The following PTPRD variants were observed in gnomAD, a reference collection of about 807,000 sequenced individuals.
PTPRD encodes protein tyrosine phosphatase receptor type D, also known as receptor-type tyrosine-protein phosphatase delta.
PTPRD carries 34 observed loss-of-function variants against 214.5 expected under a neutral mutation model. That is an observed-to-expected ratio of 0.16 (90% CI 0.12 to 0.21). The LOEUF (loss-of-function observed/expected upper bound fraction) is 0.21, where lower values mean the gene tolerates loss of function less well. PTPRD is among the 10% of genes least tolerant of loss of function. The pLI, the probability that PTPRD is intolerant of heterozygous loss-of-function variation, is 1.00. For synonymous variants in PTPRD, 1,128 were observed against 845.7 expected, an observed-to-expected ratio of 1.33 and a Z score of -5.79; for missense variants, 2,545 against 2,398.7, an observed-to-expected ratio of 1.06 and a Z score of -1.27.
chr9:8,392,169 G>A (rs549664089), intron 36 of PTPRD, among the ~76,000 whole-genome samples: 1 of 152,174 alleles, frequency 6.6e-6, no homozygotes, highest in Admixed American at 6.5e-5. Flanking sequence ...AGGATCACTT[G>A]AGCCCAGGAG....
At chr9:9,898,526 G>C (rs16930518) in intron 5 of PTPRD, among the ~76,000 whole-genome samples, 32,051 of 151,942 alleles carry the variant, frequency 0.21, 3,743 homozygotes, top group African/African-American at 0.3. Flanking sequence ...TTCATATGAA[G>C]CTCTAGATTA....
chr9:9,621,382 T>A (rs1448872956), intron 7 of PTPRD, among the ~76,000 whole-genome samples: 1 of 152,210 alleles, frequency 6.6e-6, no homozygotes, highest in Non-Finnish European at 1.5e-5. Flanking sequence ...CCTATTTTAT[T>A]ATAGAAACGC....
At chr9:10,311,970 G>C (rs59113499) in intron 3 of PTPRD, among the ~76,000 whole-genome samples, 1 of 151,706 alleles carries the variant, frequency 6.6e-6, no homozygotes, top group African/African-American at 2.4e-5. Context: ...AACATTCACA[G>C]ACACATCTGG....
chr9:8,600,573 C>A (rs1027813986), intron 14 of PTPRD, among the ~76,000 whole-genome samples: 1 of 151,802 alleles, frequency 6.6e-6, no homozygotes. Context: ...GATGCCCACA[C>A]AGCCACAGTA....
intron 32 of PTPRD, among the ~76,000 whole-genome samples, chr9:8,462,024 C>T (rs1447197141): frequency 2.6e-5 from 4 of 151,904 alleles, no homozygotes; most frequent in Non-Finnish European, 5.9e-5. Flanking sequence ...TCAGCCCAAG[C>T]TTTAACTATC....
At chr9:10,053,648 G>A (rs1369207083) in intron 3 of PTPRD, among the ~76,000 whole-genome samples, 2 of 152,240 alleles carry the variant, frequency 1.3e-5, no homozygotes, top group African/African-American at 2.4e-5. Context: ...GCAATATCTT[G>A]TATCTTGTAA....
chr9:9,440,203 A>G (rs150786612), intron 8 of PTPRD, among the ~76,000 whole-genome samples: 1 of 152,346 alleles, frequency 6.6e-6, no homozygotes, highest in African/African-American at 2.4e-5. Context: ...TCCTAAAATT[A>G]TTACCAACTT....
intron 11 of PTPRD, among the ~76,000 whole-genome samples, chr9:8,845,529 C>G (rs2154538140): frequency 6.6e-6 from 1 of 152,328 alleles, no homozygotes; most frequent in East Asian, 1.9e-4. Flanking sequence ...GCATGAAAGA[C>G]AGCCTGGCTG....
Position 8,328,730 on chromosome 9 carries a change from T to C in PTPRD, c.5534+2852A>G, listed in dbSNP as rs1445345377. ...TTCTCGGAGGCTTTGTTCATTTCTT[T>C]TTACTCTTTTCTCTAATCTTGTCTT... is the stretch of plus-strand genomic sequence containing the variant. On this transcript the variant is annotated intron_variant, in intron 44 of 45. Transcript: ENST00000381196. Among the ~76,000 whole-genome samples, 87 of 152,120 alleles carry C rather than the reference T, an allele frequency of 5.7e-4. 1 individual carries two copies.
intron 10 of PTPRD, among the ~76,000 whole-genome samples, chr9:9,058,441 G>GATTTTTTTTTTT (rs2099700335): frequency 1.9e-5 from 1 of 53,330 alleles, no homozygotes; most frequent in African/African-American, 4.2e-5. Context: ...ATATTATGAG[G>GATTTTTTTTTTT]GTTTTTTTTT....
chr9:8,835,125 C>T (rs576289157), intron 11 of PTPRD, among the ~76,000 whole-genome samples: 1 of 152,188 alleles, frequency 6.6e-6, no homozygotes, highest in Admixed American at 6.5e-5. Flanking sequence ...ATCAGAGAGT[C>T]AGCAAAGCAA....
intron 9 of PTPRD, among the ~76,000 whole-genome samples, chr9:9,281,738 CACT>C (rs1242260597): frequency 6.6e-6 from 1 of 151,156 alleles, no homozygotes; most frequent in African/African-American, 2.4e-5. Flanking sequence ...CTCACAATCA[CACT>C]CCTTTGTATT....
chr9:9,221,206 T>A (rs972174598), intron 9 of PTPRD, among the ~76,000 whole-genome samples: 11 of 152,088 alleles, frequency 7.2e-5, no homozygotes, highest in African/African-American at 2.7e-4. Flanking sequence ...ATTAAATGCA[T>A]TCATTGGCAA....
intron 2 of PTPRD, among the ~76,000 whole-genome samples, chr9:10,344,875 GA>G (rs2097036670): frequency 3.3e-5 from 5 of 152,068 alleles, no homozygotes; most frequent in Non-Finnish European, 7.4e-5. Flanking sequence ...ACCAAAATCA[GA>G]ATCAAATAAA....
intron 3 of PTPRD, among the ~76,000 whole-genome samples, chr9:10,173,218 T>C (rs1014470667): frequency 4.6e-5 from 7 of 152,200 alleles, no homozygotes; most frequent in African/African-American, 1.7e-4. Flanking sequence ...CTCTTTAGCG[T>C]ATTCTAGTAG....
chr9:8,550,526 G>C (rs564301097), intron 14 of PTPRD, among the ~76,000 whole-genome samples: 1 of 152,220 alleles, frequency 6.6e-6, no homozygotes, highest in Non-Finnish European at 1.5e-5. Context: ...TGACCTACTG[G>C]ATAATGTATC....
At position 10,041,359 on chromosome 9, in the gene PTPRD, T is replaced by C. The variant is rs147801964; in HGVS notation, c.-544-7569A>G. On this transcript the variant is annotated intron_variant, in intron 3 of 45. Coordinates refer to ENST00000381196, the MANE Select transcript of PTPRD (RefSeq NM_002839.4). ...GAAATGTGAAATTCAGTGGAACTGA[T>C]TTCTAGGAAAATAAGGCCTAAAAAG... Among the ~76,000 whole-genome samples, 502 of 152,070 alleles carry C rather than the reference T, an allele frequency of 3.3e-3. 5 individuals are homozygous for C. The highest frequency in any genetic ancestry group is 0.011 in the African/African-American group (463 of 41,556).
At chr9:8,985,389 T>C (rs1306562578) in intron 11 of PTPRD, among the ~76,000 whole-genome samples, 2 of 152,074 alleles carry the variant, frequency 1.3e-5, no homozygotes, top group Non-Finnish European at 2.9e-5. Context: ...CTTTAATAAA[T>C]TATTGAATAA....
At chr9:9,868,328 G>A (rs563206045) in intron 5 of PTPRD, among the ~76,000 whole-genome samples, 3 of 152,170 alleles carry the variant, frequency 2.0e-5, no homozygotes, top group African/African-American at 7.2e-5. Context: ...TACAAGTAGA[G>A]TAAATTAAAT....
Sources: gnomAD v4.1 joint callset for allele counts (sites outside exome capture counted in the v4.1 genomes callset) on GRCh38, gnomAD v4.1.1 for gene constraint, MANE v1.5 for transcripts, NCBI Gene and HGNC (gene_info 2026-07-23, HGNC 2026-07-21) for gene names.